Variants in SETD7 observed in about 807,000 individuals in gnomAD.
SETD7 encodes histone-lysine N-methyltransferase SETD7.
In SETD7, 16 loss-of-function variants were observed where a neutral mutation model predicts 41.8. The ratio of observed to expected loss-of-function variants is 0.38; its 90% CI spans 0.26 to 0.58. The LOEUF (loss-of-function observed/expected upper bound fraction) is 0.58. SETD7 is among the 20% of genes least tolerant of loss of function. SETD7 has a pLI of 0.64. For missense variants in SETD7, 346 were observed against 459.7 expected, an observed-to-expected ratio of 0.75 and a Z score of 2.26; for synonymous variants, 163 against 169.7, an observed-to-expected ratio of 0.96 and a Z score of 0.31.
Position 139,511,727 on chromosome 4 carries a change from C to A in SETD7, c.1037G>T (p.Gly346Val). The A allele has an allele frequency of 6.2e-7, 1 of 1,614,120 alleles. No individual in the cohort carries two copies. Residue 346 changes from glycine (G) to valine (V), a missense_variant, in exon 8 of 8, where the codon GGG (glycine) becomes GTG (valine). Around this residue, in one of 3 missense-constraint regions of SETD7, gnomAD observed 75 missense variants for 65.5 expected, o/e 1.14. Coordinates refer to ENST00000274031, the MANE Select transcript of SETD7 (RefSeq NM_030648.4). ...GYDHSPPGKS[G>V]PEAPEWYQVE... Reference sequence around the variant, plus strand: ...CTGGTACCACTCAGGGGCTTCAGGCCCACTCTTCCCGGGGGGGCTGTGGTC... The same window carrying A: ...CTGGTACCACTCAGGGGCTTCAGGCACACTCTTCCCGGGGGGGCTGTGGTC...
chr4:139,554,396 A>G (rs754232845), intron 1 of SETD7, among the ~76,000 whole-genome samples: 1 of 152,252 alleles, frequency 6.6e-6, no homozygotes, highest in Non-Finnish European at 1.5e-5. Flanking sequence ...GTGGTTTAAC[A>G]TGGAGAACAG....
chr4:139,518,327 C>T (rs2079367292), intron 6 of SETD7, among the ~76,000 whole-genome samples: 1 of 152,108 alleles, frequency 6.6e-6, no homozygotes, highest in Non-Finnish European at 1.5e-5. Flanking sequence ...CGGGGTTTCA[C>T]CATGTTGGCC....
chr4:139,540,640 C>T (rs551867611), intron 2 of SETD7, among the ~76,000 whole-genome samples: 44 of 152,292 alleles, frequency 2.9e-4, no homozygotes, highest in Admixed American at 5.2e-4. Context: ...GACCACGTGT[C>T]CAGTGTTGAA....
chr4:139,534,571 G>A (rs1047928556), intron 2 of SETD7, among the ~76,000 whole-genome samples: 2 of 151,362 alleles, frequency 1.3e-5, no homozygotes, highest in Admixed American at 6.6e-5. Flanking sequence ...GTTTTTTTTT[G>A]TAGAGATGAG....
intron 2 of SETD7, among the ~76,000 whole-genome samples, chr4:139,540,702 T>C (rs1727756899): frequency 6.6e-6 from 1 of 152,236 alleles, no homozygotes; most frequent in Non-Finnish European, 1.5e-5. Context: ...TCTTCTTGCA[T>C]GTCACAAAAA....
intron 7 of SETD7, among the ~76,000 whole-genome samples, chr4:139,513,572 C>G (rs1726941994): frequency 6.6e-6 from 1 of 152,090 alleles, no homozygotes; most frequent in South Asian, 2.1e-4. Flanking sequence ...TACCTCACAC[C>G]AAAGGGGCCT....
Position 139,508,141 on chromosome 4 carries a change from G to T in SETD7, c.*3522C>A, listed in dbSNP as rs1345065525. 6.6e-6 allele frequency: 1 copy of T among 152,126 alleles called. No homozygotes were observed. The allele number at this position is 152,126 out of a possible 1,614,324, so 9.4% of individuals were successfully genotyped here. A position where few individuals can be genotyped will look rare whatever the true frequency, so the allele number is the denominator to read the frequency against. The stretch of plus-strand genomic sequence containing the variant: ...GTTCACAATTAATGCAATTTTAATA[G>T]TTATATTTAAATGTTAAAAATTGTT... On this transcript the variant is annotated 3_prime_UTR_variant, in exon 8 of 8. Coordinates refer to ENST00000274031, the MANE Select transcript of SETD7 (RefSeq NM_030648.4).
intron 1 of SETD7, among the ~76,000 whole-genome samples, chr4:139,551,293 G>T (rs974107348): frequency 7.9e-5 from 12 of 152,318 alleles, no homozygotes; most frequent in South Asian, 2.1e-4. Flanking sequence ...CCAAGCAACA[G>T]GGAAAATTAA....
intron 2 of SETD7, among the ~76,000 whole-genome samples, chr4:139,542,321 G>T (rs1004532630): frequency 1.3e-5 from 2 of 152,090 alleles, no homozygotes; most frequent in Non-Finnish European, 2.9e-5. Flanking sequence ...AAGTTCTGGT[G>T]TTCTATTACA....
exon 8 of SETD7, chr4:139,496,334 C>T: frequency 1.4e-6 from 1 of 700,174 alleles, no homozygotes; most frequent in Non-Finnish European, 2.6e-6. Context: ...GAGTTCATTC[C>T]ATTCGCTTTT....
intron 2 of SETD7, among the ~76,000 whole-genome samples, chr4:139,539,168 A>G (rs1727718814): frequency 6.6e-6 from 1 of 152,130 alleles, no homozygotes; most frequent in South Asian, 2.1e-4. Context: ...CCTGGGGCCT[A>G]AATTCTGTTC....
intron 2 of SETD7, among the ~76,000 whole-genome samples, chr4:139,542,731 T>C (rs927174794): frequency 8.5e-5 from 13 of 152,342 alleles, no homozygotes; most frequent in African/African-American, 3.1e-4. Flanking sequence ...GTTTGCAATT[T>C]AAAAATAAAA....
At chr4:139,516,030 G>A (rs999337001) in intron 7 of SETD7, among the ~76,000 whole-genome samples, 11 of 152,114 alleles carry the variant, frequency 7.2e-5, no homozygotes, top group African/African-American at 2.4e-4. Context: ...GGAAGAACAC[G>A]TTCAGGGGTC....
chr4:139,533,858 C>G (rs1727560196), intron 2 of SETD7, among the ~76,000 whole-genome samples: 1 of 152,136 alleles, frequency 6.6e-6, no homozygotes, highest in African/African-American at 2.4e-5. Context: ...TTTCAAGTCA[C>G]TAATGTATTA....
intron 3 of SETD7, among the ~76,000 whole-genome samples, chr4:139,529,705 T>C (rs1265773792): frequency 6.6e-6 from 1 of 152,232 alleles, no homozygotes; most frequent in African/African-American, 2.4e-5. Flanking sequence ...TCTAGTGTGT[T>C]AGGAAAATAT....
At chr4:139,525,952 T>C (rs949130010) in intron 4 of SETD7, among the ~76,000 whole-genome samples, 3 of 152,240 alleles carry the variant, frequency 2.0e-5, no homozygotes, top group Non-Finnish European at 4.4e-5. Context: ...TCTGCAGGAA[T>C]CTTGCCAATA....
chr4:139,554,791 C>T (rs567819353), intron 1 of SETD7, among the ~76,000 whole-genome samples: 1 of 152,282 alleles, frequency 6.6e-6, no homozygotes, highest in African/African-American at 2.4e-5. Context: ...GCTTAATCTC[C>T]CCTTAAGATC....
In SETD7 at chr4:139,518,004, G is replaced by A. The variant is rs1727076494; in HGVS notation, c.801C>T (p.Leu267=). Residue 267 remains leucine (L), a synonymous_variant, in exon 7 of 8, where the codon CTC becomes CTT. Coordinates refer to ENST00000274031, the MANE Select transcript of SETD7 (RefSeq NM_030648.4). ...SRDWALNGNT[L]SLDEETVIDV... Reference sequence around the variant, plus strand: ...CAATGACCGTTTCTTCATCAAGGGAGAGGGTGTTCCCATTAAGGGCCCAGT... The same window carrying A: ...CAATGACCGTTTCTTCATCAAGGGAAAGGGTGTTCCCATTAAGGGCCCAGT... The A allele has an allele frequency of 1.2e-6, 2 of 1,613,988 alleles. No homozygotes were observed. Among genetic ancestry groups the A allele is most frequent in the Middle Eastern group, 1.6e-4 (1 of 6,084 alleles).
downstream of SETD7, among the ~76,000 whole-genome samples, chr4:139,501,237 C>T (rs936440127): frequency 2.0e-5 from 3 of 152,080 alleles, no homozygotes; most frequent in Non-Finnish European, 4.4e-5. Context: ...TGCTAATGGC[C>T]CAGAAGAGGG....
Sources: gnomAD v4.1 joint callset for allele counts (sites outside exome capture counted in the v4.1 genomes callset) on GRCh38, gnomAD v4.1.1 for gene constraint, gnomAD v4.1.1 regional missense constraint, MANE v1.5 for transcripts, NCBI Gene and HGNC (gene_info 2026-07-23, HGNC 2026-07-21) for gene names.